The following RAB44 variants were observed in gnomAD, a reference collection of about 807,000 sequenced individuals.
The protein encoded by RAB44 is ras-related protein Rab-44.
RAB44 carries 67 observed loss-of-function variants against 93.3 expected under a neutral mutation model. That is an observed-to-expected ratio of 0.72 (90% CI 0.59 to 0.88). The LOEUF is 0.88. Ranked by LOEUF, RAB44 falls within the 40% of genes least tolerant of loss-of-function variation. The probability of loss-of-function intolerance (pLI) is 0.00; values close to 1 mark genes in which losing one functional copy is unlikely to be tolerated. For missense variants in RAB44, 1,064 were observed against 1,261.7 expected, an observed-to-expected ratio of 0.84 and a Z score of 2.37; for synonymous variants, 427 against 520.3, an observed-to-expected ratio of 0.82 and a Z score of 2.44.
Position 36,720,496 on chromosome 6 carries a change from G to A in RAB44, c.962G>A (p.Gly321Glu). The A allele has an allele frequency of 8.1e-7, 1 of 1,233,432 alleles. No homozygotes were observed. Among genetic ancestry groups the A allele is most frequent in the Non-Finnish European group, 1.0e-6 (1 of 988,290 alleles). 76.4% of individuals were successfully genotyped at this position (1,233,432 alleles called of 1,614,324 possible). Residue 321 changes from glycine to glutamate, a missense_variant, in exon 8 of 14, where the codon GGG becomes GAG. Physicochemically the swap from Gly to Glu is moderately conservative, Grantham distance 98. Coordinates refer to ENST00000612677, the MANE Select transcript of RAB44 (RefSeq NM_001257357.2). ...EVRGQLQVTR[G>E]RLDAARGRVS... ...CGGGGGCAGCTGCAGGTGACCAGGGGGCGCCTGGACGCCGCCAGGGGCCGG... is the reference window on the plus strand; with the variant it reads ...CGGGGGCAGCTGCAGGTGACCAGGGAGCGCCTGGACGCCGCCAGGGGCCGG...
At chr6:36,703,621 G>A (rs899633510) in intron 1 of RAB44, among the ~76,000 whole-genome samples, 1 of 152,108 alleles carries the variant, frequency 6.6e-6, no homozygotes, top group African/African-American at 2.4e-5. Flanking sequence ...GTCACGTGGG[G>A]CCCTAAGAGC....
chr6:36,731,577 T>C lies in RAB44; in HGVS notation c.2976-426T>C, dbSNP rs945860129. Among the ~76,000 whole-genome samples the C allele has an allele frequency of 1.1e-4, 17 of 151,994 alleles. No individual in the cohort carries two copies. In the East Asian group the frequency reaches 1.8e-3, roughly 16 times the overall value. ...GGCACTGAGCCGCGCCATGGCCCTC[T>C]GCTTGGGATGCACCTCCCCCACCCT... On this transcript the variant is annotated intron_variant, in intron 13 of 13. Coordinates refer to ENST00000612677, the MANE Select transcript of RAB44 (RefSeq NM_001257357.2). The surrounding 1 kb of genome is among the most constrained non-coding windows in gnomAD (Gnocchi z 4.0).
intron 2 of RAB44, among the ~76,000 whole-genome samples, chr6:36,711,746 G>A (rs1762792155): frequency 6.6e-6 from 1 of 151,230 alleles, no homozygotes; most frequent in Admixed American, 6.6e-5. Context: ...TGACATAAGA[G>A]TTAAAGACCT....
rs1037755636 is a variant in RAB44, at chr6:36,722,324, A to T, written c.2190A>T (p.Glu730Asp). 3.6e-5 allele frequency: 48 copies of T among 1,336,570 alleles called. No homozygotes were observed. The African/African-American group carries it at 6.8e-4, about 19-fold the overall frequency. The allele number at this position is 1,336,570 out of a possible 1,614,324, so 82.8% of individuals were successfully genotyped here. Residue 730 changes from glutamate (E) to aspartate (D), a missense_variant, in exon 9 of 14, where the codon GAA becomes GAT. By Grantham distance (45) the Glu-to-Asp change is conservative (BLOSUM62 2). Transcript: ENST00000612677. Reference sequence around the variant, plus strand: ...CTGCCACACCACAGGCTCAGGTGGAAGCAGAAGGCCCCACTCCTGGAAAAT... The same window carrying T: ...CTGCCACACCACAGGCTCAGGTGGATGCAGAAGGCCCCACTCCTGGAAAAT... Reference protein sequence around the residue: ...LPSATPQAQVEAEGPTPGKSA... With the variant: ...LPSATPQAQVDAEGPTPGKSA...
At chr6:36,713,393 A>T (rs771122249) in intron 2 of RAB44, among the ~76,000 whole-genome samples, 7 of 152,000 alleles carry the variant, frequency 4.6e-5, no homozygotes, top group Non-Finnish European at 1.0e-4. Context: ...ACGGGGTTTC[A>T]CTATGTTGTC....
chr6:36,713,999 T>C (rs1762849753), intron 3 of RAB44, 60 bp downstream of exon 3: 3 of 1,093,126 alleles, frequency 2.7e-6, no homozygotes, highest in Non-Finnish European at 2.7e-6. Context: ...GTGCCCTGCA[T>C]GGGGCTAGGC....
intron 1 of RAB44, among the ~76,000 whole-genome samples, chr6:36,698,507 C>T (rs1431998796): frequency 1.3e-5 from 2 of 152,168 alleles, no homozygotes; most frequent in East Asian, 3.9e-4. Flanking sequence ...TGGATTCCCG[C>T]AGGTGCTTGG....
At chr6:36,726,368 CT>C (rs1033923819) in intron 10 of RAB44, among the ~76,000 whole-genome samples, 2 of 152,158 alleles carry the variant, frequency 1.3e-5, no homozygotes, top group African/African-American at 4.8e-5. Context: ...GCTTCAGCCT[CT>C]GAGTAGCTGG....
rs950828485 is a variant in RAB44 at position 36,721,532 on chromosome 6, G to A, written c.1398G>A (p.Pro466=). Reference sequence around the variant, plus strand: ...AGCAGCCTGTTGAACCGCACGACCCGGACCCCAACCAGGAGCCAGGGTCCA... The same window carrying A: ...AGCAGCCTGTTGAACCGCACGACCCAGACCCCAACCAGGAGCCAGGGTCCA... ...RAEQPVEPHD[P]DPNQEPGSTP... The change falls in exon 9 of 14, where the codon CCG becomes CCA. Residue 466 remains proline (P), a synonymous_variant. Coordinates refer to ENST00000612677, the MANE Select transcript of RAB44 (RefSeq NM_001257357.2). The A allele has an allele frequency of 1.6e-6, 2 of 1,234,514 alleles. No individual in the cohort carries two copies. Among genetic ancestry groups the A allele is most frequent in the Non-Finnish European group, 2.0e-6 (2 of 988,334 alleles). 76.5% of individuals were successfully genotyped at this position (1,234,514 alleles called of 1,614,324 possible).
At chr6:36,711,506 A>G (rs1488112355) in intron 2 of RAB44, among the ~76,000 whole-genome samples, 1 of 152,244 alleles carries the variant, frequency 6.6e-6, no homozygotes. Context: ...TGTTAATTAT[A>G]TGGACCTGGC....
In RAB44 at chr6:36,722,547, G is replaced by A; in HGVS notation, c.2413G>A (p.Gly805Arg). ...PRAESRLEDP[G>R]MDSREAGLTP... ...GGCAGAGAGCAGGCTTGAAGATCCA[G>A]GAATGGACTCCAGGGAAGCTGGGCT... The change falls in exon 9 of 14, where the codon GGA becomes AGA. Residue 805 changes from glycine (G) to arginine (R), a missense_variant. Transcript: ENST00000612677. 6.5e-7 allele frequency: 1 copy of A among 1,545,476 alleles called. No homozygotes were observed. Among genetic ancestry groups the A allele is most frequent in the Non-Finnish European group, 8.7e-7 (1 of 1,144,026 alleles).
rs190148824 is a variant in RAB44 at position 36,731,959 on chromosome 6, G to A, written c.2976-44G>A. The A allele has an allele frequency of 1.1e-4, 128 of 1,205,080 alleles. No homozygotes were observed. The Admixed American group carries it at 1.9e-3, about 17-fold the overall frequency. 74.6% of individuals were successfully genotyped at this position (1,205,080 alleles called of 1,614,324 possible). On this transcript the variant is annotated intron_variant, in intron 13 of 13. Coordinates refer to ENST00000612677, the MANE Select transcript of RAB44 (RefSeq NM_001257357.2). This position sits in a 1 kb window ranked among gnomAD's most constrained non-coding sequence, Gnocchi z 4.0. ...ACCCATGGGCCCATCCGTGCTGCCC[G>A]TAGGAGGTGAGAGAGAGGCCTGATG...
chr6:36,704,443 G>T lies in RAB44; in HGVS notation c.207+1G>T. 3 of 1,534,848 alleles carry T rather than the reference G, an allele frequency of 2.0e-6. No individual in the cohort carries two copies. The highest frequency in any genetic ancestry group is 2.6e-6 in the Non-Finnish European group (3 of 1,146,508). On this transcript the variant is annotated splice_donor_variant, in intron 2 of 13. Transcript: ENST00000612677. LOFTEE classifies it high-confidence loss of function. Reference sequence around the variant, plus strand: ...CTTTGTCACCCGCGAGGACCTGGCGGTGAGCCCAAGACCCCCATTTGAATG... The same window carrying T: ...CTTTGTCACCCGCGAGGACCTGGCGTTGAGCCCAAGACCCCCATTTGAATG...
intron 1 of RAB44, among the ~76,000 whole-genome samples, chr6:36,700,343 G>T (rs1368892412): frequency 6.6e-6 from 1 of 152,246 alleles, no homozygotes; most frequent in Non-Finnish European, 1.5e-5. Flanking sequence ...GGGACTGGAA[G>T]TCACTTTCTC....
chr6:36,731,880 C>A lies in RAB44; in HGVS notation c.2976-123C>A. 2.1e-6 allele frequency: 1 copy of A among 469,650 alleles called. No individual in the cohort carries two copies. The highest frequency in any genetic ancestry group is 3.4e-6 in the Non-Finnish European group (1 of 292,766). The allele number at this position is 469,650 out of a possible 1,614,324, so 29.1% of individuals were successfully genotyped here. A position where few individuals can be genotyped will look rare whatever the true frequency, so the allele number is the denominator to read the frequency against. ...TTCGGGTCTCATGTGGAATGCAGGGCAGGGGCAGAGCTGTTGTGGGGGTTG... is the reference window on the plus strand; with the variant it reads ...TTCGGGTCTCATGTGGAATGCAGGGAAGGGGCAGAGCTGTTGTGGGGGTTG... On this transcript the variant is annotated intron_variant, in intron 13 of 13. Transcript: ENST00000612677. The surrounding 1 kb of genome is among the most constrained non-coding windows in gnomAD (Gnocchi z 4.0).
chr6:36,704,081 G>A, intron 1 of RAB44, 143 bp from the exon 2 acceptor site: 1 of 707,802 alleles, frequency 1.4e-6, no homozygotes, highest in East Asian at 2.7e-5. Flanking sequence ...GAGGTCAGAG[G>A]ACCCGGCGGG....
At chr6:36,702,989 C>G (rs1168493045) in intron 1 of RAB44, among the ~76,000 whole-genome samples, 1 of 152,206 alleles carries the variant, frequency 6.6e-6, no homozygotes, top group African/African-American at 2.4e-5. Context: ...GCTGGGGCAG[C>G]ATGGGGCCTG....
At chr6:36,711,447 T>G (rs1365226239) in intron 2 of RAB44, among the ~76,000 whole-genome samples, 1 of 152,238 alleles carries the variant, frequency 6.6e-6, no homozygotes, top group Non-Finnish European at 1.5e-5. Context: ...CTATTATATG[T>G]GTTTTATCAA....
chr6:36,712,547 T>C (rs1762813148), intron 2 of RAB44, among the ~76,000 whole-genome samples: 2 of 152,066 alleles, frequency 1.3e-5, no homozygotes, highest in African/African-American at 4.8e-5. Flanking sequence ...GTATTTTTAG[T>C]AGAGACGGAG....
Sources: gnomAD v4.1 joint callset for allele counts (sites outside exome capture counted in the v4.1 genomes callset) on GRCh38, gnomAD v4.1.1 for gene constraint, Gnocchi (gnomAD v3.1) non-coding constraint, MANE v1.5 for transcripts, NCBI Gene and HGNC (gene_info 2026-07-23, HGNC 2026-07-21) for gene names.